CYP4V2: variants seen among roughly 807,000 people sequenced by gnomAD.
The protein encoded by CYP4V2 is cytochrome P450 4V2.
A neutral mutation model predicts 60.8 loss-of-function variants in CYP4V2; 55 were observed. That is an observed-to-expected ratio of 0.90 (90% CI 0.73 to 1.13). The LOEUF (loss-of-function observed/expected upper bound fraction) is 1.13. Among genes scored for constraint, CYP4V2 ranks in the 50% most tolerant of loss-of-function variants. The pLI is 0.00. For synonymous variants in CYP4V2, 239 were observed against 236.8 expected (o/e 1.01, Z -0.08); for missense variants, 675 against 662.9 (o/e 1.02, Z -0.20).
intron 3 of CYP4V2, 173 bp from the exon 4 acceptor site, chr4:186,196,767 G>A: frequency 1.6e-6 from 1 of 622,784 alleles, no homozygotes. Context: ...TTATAGATAT[G>A]TGTATATCTT....
At chr4:186,205,582 G>A (rs962649678) in intron 8 of CYP4V2, among the ~76,000 whole-genome samples, 6 of 152,238 alleles carry the variant, frequency 3.9e-5, no homozygotes, top group Admixed American at 3.3e-4. Flanking sequence ...CATGGGTCGT[G>A]CATTTGAGTG....
rs1213113330 is a variant in CYP4V2, at chr4:186,211,125, C to T, written c.*484C>T. 3.1e-5 allele frequency: 5 copies of T among 160,130 alleles called. No individual in the cohort carries two copies. The highest frequency in any genetic ancestry group is 6.8e-5 in the Non-Finnish European group (5 of 73,284). 9.9% of individuals were successfully genotyped at this position (160,130 alleles called of 1,614,324 possible). A position where few individuals can be genotyped will look rare whatever the true frequency, so the allele number is the denominator to read the frequency against. On this transcript the variant is annotated 3_prime_UTR_variant, in exon 11 of 11. Transcript: ENST00000378802. ...AAGTGCTGGGATTATAGTCGTGAGC[C>T]ACCACGCCTGGCCAGAGTTTTTTAT...
rs900194285 is a variant in CYP4V2, at chr4:186,212,438, A to G, written c.*1797A>G. 2.0e-5 allele frequency: 3 copies of G among 152,236 alleles called. No individual in the cohort carries two copies. Among genetic ancestry groups the G allele is most frequent in the African/African-American group, 7.2e-5 (3 of 41,460 alleles). The allele number at this position is 152,236 out of a possible 1,614,324, so 9.4% of individuals were successfully genotyped here. A position where few individuals can be genotyped will look rare whatever the true frequency, so the allele number is the denominator to read the frequency against. On this transcript the variant is annotated 3_prime_UTR_variant, in exon 11 of 11. Coordinates refer to ENST00000378802, the MANE Select transcript of CYP4V2 (RefSeq NM_207352.4). The stretch of plus-strand genomic sequence containing the variant: ...CACGTGTTCACTGAATTTTAATTTG[A>G]TAGGCAATACATCTACCCACTCCAT...
intron 8 of CYP4V2, among the ~76,000 whole-genome samples, chr4:186,206,701 T>G (rs1736517178): frequency 6.6e-6 from 1 of 152,206 alleles, no homozygotes; most frequent in Non-Finnish European, 1.5e-5. Flanking sequence ...CCGCGAGAAC[T>G]CATCTCTCAT....
At position 186,209,229 on chromosome 4, in the gene CYP4V2, A is replaced by G. The variant is rs1038955378; in HGVS notation, c.1362A>G (p.Pro454=). ...FFPENAQGRH[P]YAYVPFSAGP... ...CCGAGAATGCACAAGGGCGCCATCC[A>G]TATGCCTACGTGCCCTTCTCTGCTG... The change falls in exon 10 of 11, where the codon CCA becomes CCG. Residue 454 remains proline, a synonymous_variant. Transcript: ENST00000378802. 2.5e-6 allele frequency: 4 copies of G among 1,613,864 alleles called. No individual in the cohort carries two copies. The highest frequency in any genetic ancestry group is 1.1e-5 in the South Asian group (1 of 91,038).
At chr4:186,197,237 C>T (rs900659963) in intron 4 of CYP4V2, 107 bp downstream of exon 4, 36 of 1,375,976 alleles carry the variant, frequency 2.6e-5, no homozygotes, top group African/African-American at 1.7e-4. Context: ...GAAAGGGTGA[C>T]GGGCTCTTCA....
chr4:186,209,565 G>C (rs1736643867), intron 10 of CYP4V2, among the ~76,000 whole-genome samples: 1 of 152,186 alleles, frequency 6.6e-6, no homozygotes, highest in Non-Finnish European at 1.5e-5. Flanking sequence ...TCAAGAACAA[G>C]GTGTTGGCAG....
intron 8 of CYP4V2, among the ~76,000 whole-genome samples, chr4:186,207,579 ATTAATAAT>A (rs958600987): frequency 4.9e-5 from 6 of 123,342 alleles, no homozygotes; most frequent in South Asian, 6.5e-4. Flanking sequence ...ATATTAAATA[ATTAATAAT>A]TAATACTTTG....
chr4:186,199,975 A>C (rs1426001144), intron 6 of CYP4V2, among the ~76,000 whole-genome samples: 1 of 152,192 alleles, frequency 6.6e-6, no homozygotes, highest in African/African-American at 2.4e-5. Flanking sequence ...AAATCAGTAG[A>C]TGTTCCATGA....
chr4:186,199,050 G>C lies in CYP4V2; in HGVS notation c.768G>C (p.Lys256Asn), dbSNP rs775911832. ...TTAAAGAAGGATGGGAACACAAAAA[G>C]AGCCTTCAGATCCTACATACTTTTA... ...LMFKEGWEHK[K>N]SLQILHTFTN... The change falls in exon 6 of 11, where the codon AAG becomes AAC. Residue 256 changes from lysine (K) to asparagine (N), a missense_variant. Coordinates refer to ENST00000378802, the MANE Select transcript of CYP4V2 (RefSeq NM_207352.4). 1 of 1,614,040 alleles carries C rather than the reference G, an allele frequency of 6.2e-7. No individual in the cohort carries two copies. The highest frequency in any genetic ancestry group is 8.5e-7 in the Non-Finnish European group (1 of 1,179,922).
chr4:186,199,699 C>G (rs1365633141), intron 6 of CYP4V2, among the ~76,000 whole-genome samples: 2 of 152,276 alleles, frequency 1.3e-5, no homozygotes, highest in African/African-American at 2.4e-5. Flanking sequence ...TTAAAACTAA[C>G]TAGATATTAG....
At chr4:186,197,251 C>A in intron 4 of CYP4V2, 121 bp downstream of exon 4, 1 of 1,269,866 alleles carries the variant, frequency 7.9e-7, no homozygotes, top group Non-Finnish European at 1.1e-6. Flanking sequence ...CTCTTCAGCG[C>A]GGTTCTACGA....
chr4:186,205,366 T>G, intron 8 of CYP4V2, 64 bp downstream of exon 8: 1 of 1,477,402 alleles, frequency 6.8e-7, no homozygotes, highest in Non-Finnish European at 9.5e-7. Context: ...TGTCACTGTG[T>G]TGTAAACACA....
At position 186,191,674 on chromosome 4, in the gene CYP4V2, ACGT is replaced by A. The variant is rs896942060; in HGVS notation, c.-146_-144del. The A allele has an allele frequency of 6.0e-6, 4 of 666,500 alleles. No individual in the cohort carries two copies. The African/African-American group carries it at 7.6e-5, about 13-fold the overall frequency. The allele number at this position is 666,500 out of a possible 1,614,324, so 41.3% of individuals were successfully genotyped here. A position where few individuals can be genotyped will look rare whatever the true frequency, so the allele number is the denominator to read the frequency against. ...TCTCTGGCCGCCGCCCGGGCGGGAA[ACGT>A]CGTTCCGGGGACCGGGCGACCCCGC... On this transcript the variant is annotated 5_prime_UTR_variant, in exon 1 of 11. Transcript: ENST00000378802.
At chr4:186,210,374 A>C (rs1736670670) in intron 10 of CYP4V2, 95 bp from the exon 11 acceptor site, 5 of 1,537,718 alleles carry the variant, frequency 3.3e-6, no homozygotes, top group Admixed American at 1.7e-5. Context: ...TACTGCGAAA[A>C]TGTAAAGTGG....
chr4:186,197,446 A>C, intron 4 of CYP4V2, 87 bp from the exon 5 acceptor site: 1 of 1,286,412 alleles, frequency 7.8e-7, no homozygotes, highest in East Asian at 2.3e-5. Flanking sequence ...AGCAGGATGT[A>C]CGTCTTTAGT....
chr4:186,209,815 C>A (rs968576361), intron 10 of CYP4V2, among the ~76,000 whole-genome samples: 1 of 152,118 alleles, frequency 6.6e-6, no homozygotes, highest in Non-Finnish European at 1.5e-5. Context: ...ACACAATTAC[C>A]CATAACATAA....
chr4:186,191,614 G>A lies in CYP4V2; in HGVS notation c.-210G>A. 1.4e-5 allele frequency: 5 copies of A among 355,378 alleles called. No homozygotes were observed. Among genetic ancestry groups the A allele is most frequent in the Non-Finnish European group, 2.4e-5 (5 of 205,972 alleles). 22.0% of individuals were successfully genotyped at this position (355,378 alleles called of 1,614,324 possible). A position where few individuals can be genotyped will look rare whatever the true frequency, so the allele number is the denominator to read the frequency against. ...GCGTGGAGGCCGCGGTGCTGCGTAG[G>A]CCGGGCCGGGCGCAGGAACAGCCCC... On this transcript the variant is annotated 5_prime_UTR_variant, in exon 1 of 11. Coordinates refer to ENST00000378802, the MANE Select transcript of CYP4V2 (RefSeq NM_207352.4).
At chr4:186,200,653 T>A (rs376575307) in intron 6 of CYP4V2, among the ~76,000 whole-genome samples, 161 of 152,062 alleles carry the variant, frequency 1.1e-3, no homozygotes, top group African/African-American at 3.6e-3. Context: ...TGAGCAGAGA[T>A]CTGGAAGAAG....
Sources: gnomAD v4.1 joint callset for allele counts (sites outside exome capture counted in the v4.1 genomes callset) on GRCh38, gnomAD v4.1.1 for gene constraint, MANE v1.5 for transcripts, NCBI Gene and HGNC (gene_info 2026-07-23, HGNC 2026-07-21) for gene names.